The following KIAA1217 variants were observed in gnomAD, a reference collection of about 807,000 sequenced individuals.
The protein encoded by KIAA1217 is sickle tail protein homolog.
In KIAA1217, 88 loss-of-function variants were observed where a neutral mutation model predicts 163.9. That is an observed-to-expected ratio of 0.54 (90% CI 0.45 to 0.64). KIAA1217 has a LOEUF of 0.64. Ranked by LOEUF, KIAA1217 falls within the 30% of genes least tolerant of loss-of-function variation. The pLI, the probability that KIAA1217 is intolerant of heterozygous loss-of-function variation, is 0.00. For synonymous variants in KIAA1217, 903 were observed against 923.1 expected (o/e 0.98, Z 0.39); for missense variants, 2,372 against 2,475.0 (o/e 0.96, Z 0.88).
At chr10:23,700,007 G>A (rs576002992) in intron 1 of KIAA1217, among the ~76,000 whole-genome samples, 1 of 152,286 alleles carries the variant, frequency 6.6e-6, no homozygotes, top group Admixed American at 6.5e-5. Context: ...AGTGAAGTAT[G>A]CATCACTTAG....
At chr10:24,439,822 C>T (rs1157541252) in intron 5 of KIAA1217, among the ~76,000 whole-genome samples, 1 of 152,120 alleles carries the variant, frequency 6.6e-6, no homozygotes, top group Admixed American at 6.6e-5. Context: ...CATTGAGCCT[C>T]CCTGATCCTC....
intron 1 of KIAA1217, among the ~76,000 whole-genome samples, chr10:23,810,936 C>G (rs1440836677): frequency 4.5e-5 from 5 of 110,268 alleles, no homozygotes; most frequent in African/African-American, 1.9e-4. Context: ...AGTATATATA[C>G]TATAGTATAT....
intron 1 of KIAA1217, among the ~76,000 whole-genome samples, chr10:23,703,187 C>T (rs1292516150): frequency 2.6e-5 from 4 of 152,124 alleles, no homozygotes; most frequent in Non-Finnish European, 1.5e-5. Flanking sequence ...CTCCAGAGAT[C>T]GGGAGTGGAG....
intron 1 of KIAA1217, among the ~76,000 whole-genome samples, chr10:23,721,974 T>A (rs979581137): frequency 6.6e-6 from 1 of 152,112 alleles, no homozygotes; most frequent in Non-Finnish European, 1.5e-5. Context: ...ATAAACGAAA[T>A]GTGATGTAGT....
chr10:23,868,166 C>A (rs1484502929), intron 1 of KIAA1217, among the ~76,000 whole-genome samples: 1 of 152,066 alleles, frequency 6.6e-6, no homozygotes, highest in African/African-American at 2.4e-5. Flanking sequence ...TTCTTCATTT[C>A]CTGATGGTTC....
chr10:23,761,080 T>C (rs1474988414), intron 1 of KIAA1217, among the ~76,000 whole-genome samples: 1 of 151,804 alleles, frequency 6.6e-6, no homozygotes, highest in East Asian at 1.9e-4. Flanking sequence ...TGAGATCTCA[T>C]CTCTACAAAA....
intron 1 of KIAA1217, among the ~76,000 whole-genome samples, chr10:23,758,735 G>T (rs1477427453): frequency 7.4e-5 from 10 of 134,796 alleles, no homozygotes; most frequent in African/African-American, 2.8e-4. Context: ...CACCCAGGCT[G>T]GAGTGTAATG....
At chr10:24,280,252 C>T (rs2077756359) in intron 2 of KIAA1217, among the ~76,000 whole-genome samples, 1 of 152,190 alleles carries the variant, frequency 6.6e-6, no homozygotes, top group Non-Finnish European at 1.5e-5. Flanking sequence ...GACCTTGACT[C>T]ACCAGATTTG....
chr10:23,778,465 G>T (rs1835103239), intron 1 of KIAA1217, among the ~76,000 whole-genome samples: 1 of 152,144 alleles, frequency 6.6e-6, no homozygotes, highest in Non-Finnish European at 1.5e-5. Flanking sequence ...TTGTTGTCAA[G>T]TTAAACATTA....
At chr10:23,711,333 G>C (rs1837242764) in intron 1 of KIAA1217, among the ~76,000 whole-genome samples, 1 of 152,078 alleles carries the variant, frequency 6.6e-6, no homozygotes, top group African/African-American at 2.4e-5. Context: ...GATTATCTAG[G>C]TGAGCCAATA....
intron 1 of KIAA1217, among the ~76,000 whole-genome samples, chr10:23,773,866 C>T (rs1834900329): frequency 6.6e-6 from 1 of 152,078 alleles, no homozygotes; most frequent in South Asian, 2.1e-4. Flanking sequence ...TGGGCTGAGA[C>T]AATGGGGTTT....
At chr10:23,979,531 G>A (rs1845679222) in intron 1 of KIAA1217, among the ~76,000 whole-genome samples, 1 of 151,982 alleles carries the variant, frequency 6.6e-6, no homozygotes, top group Non-Finnish European at 1.5e-5. Flanking sequence ...TTCTGACTTA[G>A]GATACTTTTA....
At chr10:23,887,620 G>A (rs879268153) in intron 1 of KIAA1217, among the ~76,000 whole-genome samples, 1 of 151,396 alleles carries the variant, frequency 6.6e-6, no homozygotes, top group African/African-American at 2.4e-5. Context: ...ATACATTCTC[G>A]GTTTCTTTTA....
chr10:24,255,608 G>T, intron 2 of KIAA1217: 1 of 447,162 alleles, frequency 2.2e-6, no homozygotes, highest in South Asian at 1.6e-5. Context: ...TACAGGAGTG[G>T]CCTGATTCTG....
chr10:24,442,531 TC>T (rs1468017090), intron 5 of KIAA1217, among the ~76,000 whole-genome samples: 1 of 152,140 alleles, frequency 6.6e-6, no homozygotes, highest in Non-Finnish European at 1.5e-5. Context: ...CATATGGAGA[TC>T]ATTTCCGTGG....
chr10:23,954,925 A>T (rs569458571), intron 1 of KIAA1217, among the ~76,000 whole-genome samples: 1 of 152,296 alleles, frequency 6.6e-6, no homozygotes, highest in African/African-American at 2.4e-5. Flanking sequence ...GAAAGAGCTG[A>T]GTTTGAATCT....
At chr10:23,724,870 T>C (rs557715394) in intron 1 of KIAA1217, among the ~76,000 whole-genome samples, 2 of 152,334 alleles carry the variant, frequency 1.3e-5, no homozygotes, top group South Asian at 2.1e-4. Context: ...TGTGTAACTC[T>C]TGACTTTGCC....
At chr10:24,464,222 C>G (rs2062710223) in intron 5 of KIAA1217, among the ~76,000 whole-genome samples, 1 of 152,148 alleles carries the variant, frequency 6.6e-6, no homozygotes, top group Non-Finnish European at 1.5e-5. Context: ...CATCCTGATT[C>G]ACCGCAGGAT....
At chr10:23,829,583 C>T (rs1348036520) in intron 1 of KIAA1217, among the ~76,000 whole-genome samples, 1 of 152,114 alleles carries the variant, frequency 6.6e-6, no homozygotes, top group Non-Finnish European at 1.5e-5. Context: ...GCATGACTCA[C>T]TATTTAATCC....
Sources: allele counts gnomAD v4.1 joint callset (sites outside exome capture counted in the v4.1 genomes callset), GRCh38; gene constraint gnomAD v4.1.1; transcripts MANE v1.5; gene names NCBI Gene and HGNC (gene_info 2026-07-23, HGNC 2026-07-21).